Variants in CFAP54 observed in about 807,000 individuals in gnomAD.
The protein encoded by CFAP54 is cilia and flagella associated protein 54.
Under a neutral mutation model 370.4 loss-of-function variants are expected in CFAP54, and 290 were observed. The ratio of observed to expected loss-of-function variants is 0.78; its 90% confidence interval spans 0.71 to 0.86. The LOEUF (loss-of-function observed/expected upper bound fraction) is 0.86. Ranked by LOEUF, CFAP54 falls within the 40% of genes least tolerant of loss-of-function variation. The probability of loss-of-function intolerance (pLI) is 0.00; values close to 1 mark genes in which losing one functional copy is unlikely to be tolerated. For missense variants in CFAP54, 3,399 were observed against 3,528.7 expected, an observed-to-expected ratio of 0.96 and a Z score of 0.93; for synonymous variants, 1,206 against 1,236.5, an observed-to-expected ratio of 0.98 and a Z score of 0.52.
chr12:96,554,609 G>C lies in CFAP54; in HGVS notation c.2284-67G>C, dbSNP rs1217630904. 30 of 1,373,958 alleles carry C rather than the reference G, an allele frequency of 2.2e-5. 1 individual carries two copies. Among genetic ancestry groups the C allele is most frequent in the Middle Eastern group, 3.6e-4 (2 of 5,540 alleles). 85.1% of individuals were successfully genotyped at this position (1,373,958 alleles called of 1,614,324 possible). A position where few individuals can be genotyped will look rare whatever the true frequency, so the allele number is the denominator to read the frequency against. ...GATGATGATAACTTGAGTGATAATAGTATACAGCTATTTTTGTGTGTTTTG... is the reference window on the plus strand; with the variant it reads ...GATGATGATAACTTGAGTGATAATACTATACAGCTATTTTTGTGTGTTTTG... On this transcript the variant is annotated intron_variant, in intron 16 of 67. Transcript: ENST00000524981.
rs139412636 is a variant in CFAP54 at position 96,755,812 on chromosome 12, C to T, written c.7841-646C>T. 4.5e-4 allele frequency among the ~76,000 whole-genome samples: 69 copies of T among 151,832 alleles called. No individual in the cohort carries two copies. In the South Asian group the frequency reaches 0.012, roughly 27 times the overall value. On this transcript the variant is annotated intron_variant, in intron 56 of 67. Transcript: ENST00000524981. ...CCTCCTGAGTGGCTGGGATTACAGG[C>T]GCGCACCACCATGCCAGGCTAATTT...
intron 52 of CFAP54, 117 bp downstream of exon 52, chr12:96,742,703 C>T: frequency 6.0e-6 from 6 of 1,008,330 alleles, no homozygotes; most frequent in Non-Finnish European, 8.5e-6. Context: ...GCTTGATCTG[C>T]TTATAGAATT....
rs577462254 is a variant in CFAP54 at position 96,493,060 on chromosome 12, G to A, written c.317+3134G>A. 4.0e-5 allele frequency among the ~76,000 whole-genome samples: 6 copies of A among 151,854 alleles called. No homozygotes were observed. In the East Asian group the frequency reaches 1.2e-3, roughly 29 times the overall value. ...AATTGTGACTATTACATATAGGAAA[G>A]TAGACATGGGCCAGTCTATAAGTAC... On this transcript the variant is annotated intron_variant, in intron 1 of 67. Transcript: ENST00000524981.
chr12:96,678,728 GT>G (rs1455647845), intron 39 of CFAP54, among the ~76,000 whole-genome samples: 1 of 152,042 alleles, frequency 6.6e-6, no homozygotes, highest in Non-Finnish European at 1.5e-5. Context: ...ATTTTGGCAT[GT>G]AACCAAATAT....
In CFAP54 at chr12:96,743,785, AC is replaced by A; in HGVS notation, c.7435del (p.Leu2479TrpfsTer5). The A allele has an allele frequency of 1.2e-6, 2 of 1,613,846 alleles. No individual in the cohort carries two copies. Among genetic ancestry groups the A allele is most frequent in the Non-Finnish European group, 1.7e-6 (2 of 1,179,850 alleles). ...ATTTATTTCTCCTCAATCACGGCTA[AC>A]CCTGGCAAGAAGCCTAGTTTTGCTG... ...NEFISPQSRL[T>X]LARSLVLLDD... On this transcript the variant is annotated frameshift_variant, in exon 54 of 68. Transcript: ENST00000524981. LOFTEE classifies it high-confidence loss of function.
At chr12:96,632,816 A>G (rs1005000203) in intron 32 of CFAP54, among the ~76,000 whole-genome samples, 1 of 152,032 alleles carries the variant, frequency 6.6e-6, no homozygotes, top group Non-Finnish European at 1.5e-5. Flanking sequence ...TGGTATAGGA[A>G]GGTTTTTAAA....
Position 96,727,073 on chromosome 12 carries a change from G to C in CFAP54, c.6965+6508G>C, listed in dbSNP as rs1295706962. 5.3e-5 allele frequency among the ~76,000 whole-genome samples: 8 copies of C among 152,144 alleles called. 1 individual carries two copies. In the East Asian group the frequency reaches 5.8e-4, roughly 11 times the overall value. Reference sequence around the variant, plus strand: ...TTATAATTTCTGTTCTTTTACATTTGCTGGGGAGAGCTTTACTTCCAACTA... The same window carrying C: ...TTATAATTTCTGTTCTTTTACATTTCCTGGGGAGAGCTTTACTTCCAACTA... On this transcript the variant is annotated intron_variant, in intron 50 of 67. Transcript: ENST00000524981.
chr12:96,764,911 A>G (rs917952897), intron 59 of CFAP54, among the ~76,000 whole-genome samples, 166 bp from the exon 60 acceptor site: 1 of 152,208 alleles, frequency 6.6e-6, no homozygotes, highest in African/African-American at 2.4e-5. Flanking sequence ...GATATATTCT[A>G]CATATCAGGG....
chr12:96,743,601 T>G, intron 53 of CFAP54, 42 bp downstream of exon 53: 11 of 1,611,162 alleles, frequency 6.8e-6, no homozygotes, highest in Non-Finnish European at 9.3e-6. Flanking sequence ...CAGGGAGGGA[T>G]TCCAGTTAGA....
intron 3 of CFAP54, among the ~76,000 whole-genome samples, chr12:96,504,759 G>A (rs1955072768): frequency 6.6e-6 from 1 of 152,158 alleles, no homozygotes; most frequent in Non-Finnish European, 1.5e-5. Context: ...AGGCATGTTT[G>A]GGAGACAATT....
chr12:96,759,876 C>T (rs991302595), intron 58 of CFAP54, among the ~76,000 whole-genome samples: 3 of 152,260 alleles, frequency 2.0e-5, no homozygotes, highest in South Asian at 2.1e-4. Context: ...TATTATTTCT[C>T]GTTATGTAAC....
chr12:96,669,768 A>G (rs746943494), intron 39 of CFAP54, among the ~76,000 whole-genome samples: 2 of 152,184 alleles, frequency 1.3e-5, no homozygotes, highest in Non-Finnish European at 2.9e-5. Context: ...TATCCAGTGT[A>G]TGGTTGGATA....
intron 58 of CFAP54, among the ~76,000 whole-genome samples, chr12:96,761,025 T>A (rs1958330610): frequency 6.6e-6 from 1 of 152,244 alleles, no homozygotes; most frequent in Non-Finnish European, 1.5e-5. Context: ...ATGTTTAGCC[T>A]TTTGATGATC....
chr12:96,608,141 T>G (rs1956319566), intron 26 of CFAP54, among the ~76,000 whole-genome samples: 2 of 152,100 alleles, frequency 1.3e-5, no homozygotes, highest in Admixed American at 1.3e-4. Context: ...TAGGACTTTG[T>G]AATATAAATG....
In CFAP54 at chr12:96,764,165, A is replaced by G. The variant is rs1331630845; in HGVS notation, c.8055A>G (p.Arg2685=). 1.4e-5 allele frequency: 23 copies of G among 1,611,552 alleles called. No individual in the cohort carries two copies. The highest frequency in any genetic ancestry group is 1.9e-5 in the Non-Finnish European group (22 of 1,178,498). The part of the protein sequence containing the change: ...SPLTLKPPLR[R]SSSVKETSAN... ...CATATTTTTAGCCTCCTCTCAGAAG[A>G]AGTAGTTCTGTTAAAGAAACATCAG... is the stretch of plus-strand genomic sequence containing the variant. The change falls in exon 59 of 68, where the codon AGA becomes AGG. Residue 2685 remains arginine, a synonymous_variant. Transcript: ENST00000524981.
At chr12:96,842,663 C>T (rs1959232918) in intron 66 of CFAP54, among the ~76,000 whole-genome samples, 2 of 152,102 alleles carry the variant, frequency 1.3e-5, no homozygotes, top group South Asian at 4.2e-4. Context: ...GCCCAAAGTG[C>T]TTTGTGCGGT....
chr12:96,777,466 C>T (rs1371669690), intron 60 of CFAP54, among the ~76,000 whole-genome samples: 3 of 152,052 alleles, frequency 2.0e-5, no homozygotes, highest in African/African-American at 7.2e-5. Flanking sequence ...TCTCCTGCCT[C>T]AGCCTCCTGA....
At chr12:96,710,598 C>T (rs897262503) in intron 48 of CFAP54, among the ~76,000 whole-genome samples, 1 of 151,878 alleles carries the variant, frequency 6.6e-6, no homozygotes, top group Non-Finnish European at 1.5e-5. Context: ...AGTCTTTTAC[C>T]ATCTCTAGGA....
chr12:96,830,616 T>C (rs1959167741), intron 66 of CFAP54, among the ~76,000 whole-genome samples: 1 of 152,172 alleles, frequency 6.6e-6, no homozygotes, highest in Non-Finnish European at 1.5e-5. Flanking sequence ...AACATTTCTC[T>C]CCTATCAATA....
Sources: allele counts gnomAD v4.1 joint callset (sites outside exome capture counted in the v4.1 genomes callset), GRCh38; gene constraint gnomAD v4.1.1; transcripts MANE v1.5; gene names NCBI Gene and HGNC (gene_info 2026-07-23, HGNC 2026-07-21).